The following PLCE1 variants were observed in gnomAD, a reference collection of about 807,000 sequenced individuals.
PLCE1 encodes the protein 1-phosphatidylinositol 4,5-bisphosphate phosphodiesterase epsilon-1.
PLCE1 carries 119 observed loss-of-function variants against 242.8 expected under a neutral mutation model. That is an observed-to-expected ratio of 0.49 (90% CI 0.42 to 0.57). PLCE1 has a LOEUF of 0.57. Ranked by LOEUF, PLCE1 falls within the 20% of genes least tolerant of loss-of-function variation. The probability of loss-of-function intolerance (pLI) is 0.00; values close to 1 mark genes in which losing one functional copy is unlikely to be tolerated. For synonymous variants in PLCE1, 945 were observed against 1,017.4 expected (o/e 0.93, Z 1.35); for missense variants, 2,441 against 2,788.8 (o/e 0.88, Z 2.81).
intron 3 of PLCE1, among the ~76,000 whole-genome samples, chr10:94,154,177 G>T (rs1327946924): frequency 6.6e-6 from 1 of 152,100 alleles, no homozygotes; most frequent in Non-Finnish European, 1.5e-5. Context: ...AACATATATG[G>T]TCAAATAATT....
chr10:94,164,683 C>A (rs780900474), intron 3 of PLCE1, among the ~76,000 whole-genome samples: 37 of 152,242 alleles, frequency 2.4e-4, no homozygotes, highest in Non-Finnish European at 4.7e-4. Context: ...TGGTGAGGAG[C>A]TGCATTCCTT....
At chr10:94,140,579 G>A (rs2046925643) in intron 3 of PLCE1, among the ~76,000 whole-genome samples, 1 of 152,154 alleles carries the variant, frequency 6.6e-6, no homozygotes, top group Non-Finnish European at 1.5e-5. Context: ...CAATAAGCTT[G>A]TATATTCTAT....
chr10:94,163,053 G>T (rs1252881713), intron 3 of PLCE1, among the ~76,000 whole-genome samples: 1 of 152,154 alleles, frequency 6.6e-6, no homozygotes, highest in Non-Finnish European at 1.5e-5. Flanking sequence ...TTTTACATTT[G>T]CTGAGGAGAG....
chr10:94,275,321 C>T (rs1440364061), intron 19 of PLCE1, among the ~76,000 whole-genome samples: 1 of 152,112 alleles, frequency 6.6e-6, no homozygotes, highest in Non-Finnish European at 1.5e-5. Context: ...GCCAACTGTT[C>T]CTGACAGGAT....
chr10:94,000,295 C>T (rs1458117087), intron 1 of PLCE1, among the ~76,000 whole-genome samples: 2 of 152,168 alleles, frequency 1.3e-5, no homozygotes, highest in Non-Finnish European at 2.9e-5. Flanking sequence ...GATCTGGAGT[C>T]AGGTTGCTTA....
intron 2 of PLCE1, among the ~76,000 whole-genome samples, chr10:94,042,754 A>G (rs2061793405): frequency 6.6e-6 from 1 of 152,168 alleles, no homozygotes; most frequent in African/African-American, 2.4e-5. Flanking sequence ...ACCAAGCCCC[A>G]AGGTTTGAAT....
intron 4 of PLCE1, 53 bp from the exon 5 acceptor site, chr10:94,227,253 A>AG: frequency 1.9e-6 from 3 of 1,578,958 alleles, no homozygotes; most frequent in Non-Finnish European, 2.6e-6. Context: ...GGAAAAAAAA[A>AG]TTGCCAAGCT....
intron 4 of PLCE1, among the ~76,000 whole-genome samples, chr10:94,194,259 A>G (rs757232749): frequency 2.6e-5 from 4 of 152,242 alleles, no homozygotes; most frequent in Non-Finnish European, 5.9e-5. Context: ...TTCGTGGGGA[A>G]TTACACAACA....
At chr10:94,177,865 CGA>C (rs1165974999) in intron 4 of PLCE1, among the ~76,000 whole-genome samples, 1 of 152,168 alleles carries the variant, frequency 6.6e-6, no homozygotes, top group Non-Finnish European at 1.5e-5. Flanking sequence ...AGAGGCAAAT[CGA>C]GATTGCAGGG....
intron 3 of PLCE1, among the ~76,000 whole-genome samples, chr10:94,164,962 C>A (rs967632036): frequency 1.3e-5 from 2 of 152,186 alleles, no homozygotes; most frequent in Middle Eastern, 3.2e-3. Context: ...TATTGGTGAA[C>A]AGCAAATGTT....
chr10:94,295,265 C>T (rs1459631145), intron 23 of PLCE1, among the ~76,000 whole-genome samples: 1 of 152,022 alleles, frequency 6.6e-6, no homozygotes, highest in Non-Finnish European at 1.5e-5. Context: ...CCCACTGCTG[C>T]TTTATCAACT....
At chr10:94,127,886 T>C (rs2046479553) in intron 2 of PLCE1, among the ~76,000 whole-genome samples, 1 of 152,142 alleles carries the variant, frequency 6.6e-6, no homozygotes, top group African/African-American at 2.4e-5. Flanking sequence ...ATACTTGTAA[T>C]GACCGTTCTC....
chr10:94,127,919 A>G (rs1250849001), intron 2 of PLCE1, among the ~76,000 whole-genome samples: 2 of 151,434 alleles, frequency 1.3e-5, no homozygotes, highest in Non-Finnish European at 2.9e-5. Context: ...TTCACACTCT[A>G]CATGTGGGCT....
intron 2 of PLCE1, chr10:94,089,168 T>A: frequency 1.2e-6 from 2 of 1,613,974 alleles, no homozygotes; most frequent in Non-Finnish European, 8.5e-7. Flanking sequence ...CACGTGAGAT[T>A]CTGCAAAGGG....
At chr10:94,076,804 G>C (rs2044516796) in intron 2 of PLCE1, among the ~76,000 whole-genome samples, 2 of 152,112 alleles carry the variant, frequency 1.3e-5, no homozygotes, top group African/African-American at 4.8e-5. Flanking sequence ...CCACCTTGAG[G>C]GGGGCTTTTC....
At position 94,273,642 on chromosome 10, in the gene PLCE1, C is replaced by G. The variant is rs1355796898; in HGVS notation, c.4587C>G (p.Asp1529Glu). Reference protein sequence around the residue: ...FSDDPMLPSPDQLRKKVLLKN... With the variant: ...FSDDPMLPSPEQLRKKVLLKN... ...ATGATCCAATGCTTCCTTCACCTGA[C>G]CAACTCAGAAAGAAAGTTCTTCTTA... The change falls in exon 19 of 33, where the codon GAC (aspartate) becomes GAG (glutamate). Residue 1529 changes from aspartate (D) to glutamate (E), a missense_variant. Physicochemically the swap from Asp to Glu is conservative, Grantham distance 45. Coordinates refer to ENST00000371380, the MANE Select transcript of PLCE1 (RefSeq NM_016341.4). 1 of 1,613,300 alleles carries G rather than the reference C, an allele frequency of 6.2e-7. No homozygotes were observed. The highest frequency in any genetic ancestry group is 8.5e-7 in the Non-Finnish European group (1 of 1,179,410).
chr10:94,187,603 C>G (rs2048524199), intron 4 of PLCE1, among the ~76,000 whole-genome samples: 1 of 152,028 alleles, frequency 6.6e-6, no homozygotes, highest in South Asian at 2.1e-4. Context: ...CTCAGCCTCC[C>G]CAAGCAGCTT....
intron 4 of PLCE1, among the ~76,000 whole-genome samples, chr10:94,173,112 C>T (rs2048031712): frequency 1.3e-5 from 2 of 152,186 alleles, no homozygotes; most frequent in African/African-American, 4.8e-5. Flanking sequence ...CAATGAGAAA[C>T]TGAAGTATGT....
intron 8 of PLCE1, among the ~76,000 whole-genome samples, chr10:94,249,956 T>A (rs2050816440): frequency 6.6e-6 from 1 of 152,018 alleles, no homozygotes. Flanking sequence ...AAAAAAAGAT[T>A]CATTCAAAGG....
Sources: gnomAD v4.1 joint callset for allele counts (sites outside exome capture counted in the v4.1 genomes callset) on GRCh38, gnomAD v4.1.1 for gene constraint, MANE v1.5 for transcripts, NCBI Gene and HGNC (gene_info 2026-07-23, HGNC 2026-07-21) for gene names.